Variants in PDE4B observed in about 807,000 individuals in gnomAD.
The protein encoded by PDE4B is phosphodiesterase 4B, also known as 3',5'-cyclic-AMP phosphodiesterase 4B.
A neutral mutation model predicts 82.2 loss-of-function variants in PDE4B; 20 were observed. The ratio of observed to expected loss-of-function variants is 0.24; its 90% confidence interval spans 0.17 to 0.35. The LOEUF (loss-of-function observed/expected upper bound fraction) is 0.35, where lower values mean the gene tolerates loss of function less well. Ranked by LOEUF, PDE4B falls within the 10% of genes least tolerant of loss-of-function variation. PDE4B has a pLI of 1.00. For synonymous variants in PDE4B, 320 were observed against 318.9 expected (o/e 1.00, Z -0.04); for missense variants, 655 against 907.2 (o/e 0.72, Z 3.57).
At chr1:66,161,123 G>A (rs1156507661) in intron 3 of PDE4B, among the ~76,000 whole-genome samples, 1 of 152,036 alleles carries the variant, frequency 6.6e-6, no homozygotes, top group East Asian at 1.9e-4. Context: ...TGGATTGGTT[G>A]CTATAAGCAC....
chr1:65,939,148 G>C (rs1444685296), intron 3 of PDE4B, among the ~76,000 whole-genome samples: 1 of 151,924 alleles, frequency 6.6e-6, no homozygotes, highest in Non-Finnish European at 1.5e-5. Context: ...TTCTAATAAG[G>C]GTATAGAAGA....
intron 3 of PDE4B, among the ~76,000 whole-genome samples, chr1:66,091,911 C>T (rs1267790867): frequency 6.6e-6 from 1 of 152,008 alleles, no homozygotes; most frequent in African/African-American, 2.4e-5. Flanking sequence ...TAACTGTAAT[C>T]TTTGGTGATA....
chr1:66,194,302 A>G (rs532112107), intron 3 of PDE4B, among the ~76,000 whole-genome samples: 1 of 152,210 alleles, frequency 6.6e-6, no homozygotes, highest in East Asian at 1.9e-4. Context: ...ATACTATCTA[A>G]TAGCATACTT....
At chr1:66,058,353 G>A (rs1655411665) in intron 3 of PDE4B, among the ~76,000 whole-genome samples, 1 of 152,188 alleles carries the variant, frequency 6.6e-6, no homozygotes, top group Admixed American at 6.5e-5. Context: ...GGTGCAAGCT[G>A]TCAGTGGTTC....
chr1:66,114,460 A>G (rs1645551681), intron 3 of PDE4B, among the ~76,000 whole-genome samples: 1 of 152,190 alleles, frequency 6.6e-6, no homozygotes, highest in South Asian at 2.1e-4. Flanking sequence ...ATCCAAGAAA[A>G]GGCAGAAAAT....
intron 8 of PDE4B, among the ~76,000 whole-genome samples, chr1:66,344,636 C>T (rs1661252978): frequency 6.6e-6 from 1 of 152,136 alleles, no homozygotes; most frequent in Non-Finnish European, 1.5e-5. Flanking sequence ...AAAGTATGAA[C>T]TCCTTGGTAG....
At chr1:66,011,533 T>C (rs1652487384) in intron 3 of PDE4B, among the ~76,000 whole-genome samples, 4 of 152,130 alleles carry the variant, frequency 2.6e-5, no homozygotes, top group Non-Finnish European at 5.9e-5. Context: ...TGGTAAATTT[T>C]ATTTGTAGGG....
chr1:65,978,708 G>C (rs1650537458), intron 3 of PDE4B, among the ~76,000 whole-genome samples: 1 of 152,150 alleles, frequency 6.6e-6, no homozygotes, highest in South Asian at 2.1e-4. Flanking sequence ...TTATAATGTA[G>C]TGTTTTTGGA....
intron 1 of PDE4B, among the ~76,000 whole-genome samples, chr1:65,799,451 G>T (rs1459239256): frequency 6.6e-6 from 1 of 152,032 alleles, no homozygotes; most frequent in Non-Finnish European, 1.5e-5. Context: ...AATAAAAATA[G>T]GCTTGTTTGA....
intron 3 of PDE4B, among the ~76,000 whole-genome samples, chr1:66,244,365 TA>T (rs1254840489): frequency 6.6e-6 from 1 of 152,170 alleles, no homozygotes; most frequent in East Asian, 1.9e-4. Context: ...TAAAGCAGCC[TA>T]AAGGTGAAAT....
chr1:65,969,584 A>C (rs751843115), intron 3 of PDE4B, among the ~76,000 whole-genome samples: 3 of 152,148 alleles, frequency 2.0e-5, no homozygotes, highest in Non-Finnish European at 4.4e-5. Context: ...TCAAAGCACT[A>C]ACTTTTTTGA....
chr1:66,220,159 G>A (rs900214187), intron 3 of PDE4B, among the ~76,000 whole-genome samples: 4 of 152,144 alleles, frequency 2.6e-5, no homozygotes, highest in Admixed American at 1.3e-4. Flanking sequence ...ATCTGGGGCT[G>A]AGCAGCCAAA....
chr1:65,952,573 C>T (rs942995781), intron 3 of PDE4B, among the ~76,000 whole-genome samples: 1 of 151,980 alleles, frequency 6.6e-6, no homozygotes, highest in African/African-American at 2.4e-5. Flanking sequence ...ATCCCAGCTG[C>T]TCTGGTGGCT....
At chr1:65,981,729 T>C (rs918959229) in intron 3 of PDE4B, among the ~76,000 whole-genome samples, 2 of 152,174 alleles carry the variant, frequency 1.3e-5, no homozygotes, top group Non-Finnish European at 2.9e-5. Flanking sequence ...TAAGGTTAAA[T>C]GTGATAATGT....
intron 8 of PDE4B, chr1:66,354,724 C>T: frequency 6.9e-7 from 1 of 1,440,624 alleles, no homozygotes; most frequent in African/African-American, 1.4e-5. Flanking sequence ...TTTGTCTTTT[C>T]TAAGTTTTGA....
chr1:65,924,747 G>C (rs1230752797), intron 3 of PDE4B, among the ~76,000 whole-genome samples: 1 of 152,164 alleles, frequency 6.6e-6, no homozygotes, highest in Non-Finnish European at 1.5e-5. Flanking sequence ...TTGTTGACAG[G>C]CTCAATTCCT....
At chr1:66,140,698 AGGG>A (rs1320109011) in intron 3 of PDE4B, among the ~76,000 whole-genome samples, 1 of 152,190 alleles carries the variant, frequency 6.6e-6, no homozygotes, top group Non-Finnish European at 1.5e-5. Context: ...TGAGGATAAG[AGGG>A]TATTATTTAA....
intron 3 of PDE4B, among the ~76,000 whole-genome samples, chr1:66,075,885 A>G (rs1347008762): frequency 7.5e-6 from 1 of 133,836 alleles, no homozygotes; most frequent in Admixed American, 8.2e-5. Flanking sequence ...CAACTCATTC[A>G]CATTTAAACA....
intron 3 of PDE4B, among the ~76,000 whole-genome samples, chr1:66,090,621 A>ATATG: frequency 7.3e-5 from 9 of 122,726 alleles, no homozygotes; most frequent in African/African-American, 2.9e-4. Flanking sequence ...TATATAATAT[A>ATATG]TGTGTGTGTG....
Sources: gnomAD v4.1 joint callset for allele counts (sites outside exome capture counted in the v4.1 genomes callset) on GRCh38, gnomAD v4.1.1 for gene constraint, MANE v1.5 for transcripts, NCBI Gene and HGNC (gene_info 2026-07-23, HGNC 2026-07-21) for gene names.